Variants in STARD13 observed in about 807,000 individuals in gnomAD.
STARD13 encodes the protein stAR-related lipid transfer protein 13.
A neutral mutation model predicts 106.4 loss-of-function variants in STARD13; 62 were observed. That is an observed-to-expected ratio of 0.58 (90% CI 0.48 to 0.72). The LOEUF (loss-of-function observed/expected upper bound fraction) is 0.72. Among genes scored for constraint, STARD13 ranks in the 30% least tolerant of loss-of-function variants. The pLI, the probability that STARD13 is intolerant of heterozygous loss-of-function variation, is 0.00. For missense variants in STARD13, 1,387 were observed against 1,424.0 expected (o/e 0.97, Z 0.42); for synonymous variants, 565 against 553.0 (o/e 1.02, Z -0.31).
chr13:33,350,049 C>T (rs2078058526), intron 1 of STARD13, among the ~76,000 whole-genome samples: 1 of 152,198 alleles, frequency 6.6e-6, no homozygotes, highest in Non-Finnish European at 1.5e-5. Flanking sequence ...CAGCATGGAG[C>T]ACCAGGCCTG....
intron 1 of STARD13, among the ~76,000 whole-genome samples, chr13:33,263,120 T>A (rs567948533): frequency 1.3e-5 from 2 of 152,290 alleles, no homozygotes; most frequent in South Asian, 4.1e-4. Flanking sequence ...AAACCCCCTG[T>A]AAAGTAGCGT....
the STARD13 span, among the ~76,000 whole-genome samples, chr13:33,538,680 T>TGTTC: frequency 1.3e-3 from 197 of 152,136 alleles, no homozygotes; most frequent in Admixed American, 7.1e-3. Flanking sequence ...ATAAAGAATT[T>TGTTC]CTGGGCATAC....
chr13:33,261,228 A>T (rs2138323944), intron 1 of STARD13, among the ~76,000 whole-genome samples: 1 of 152,196 alleles, frequency 6.6e-6, no homozygotes, highest in East Asian at 1.9e-4. Context: ...GGTTTTCACA[A>T]CTTGTGGGTT....
chr13:33,356,698 T>G, the STARD13 span, among the ~76,000 whole-genome samples: 1 of 152,216 alleles, frequency 6.6e-6, no homozygotes, highest in Non-Finnish European at 1.5e-5. Context: ...GAGCATGCAT[T>G]ACATTTTAAT....
intron 1 of STARD13, among the ~76,000 whole-genome samples, chr13:33,235,259 A>T (rs762631919): frequency 1.2e-4 from 18 of 152,206 alleles, no homozygotes; most frequent in Non-Finnish European, 1.2e-4. Flanking sequence ...TGCTTTCAAC[A>T]TGAGGTCCTG....
intron 1 of STARD13, among the ~76,000 whole-genome samples, chr13:33,171,140 A>G (rs953170128): frequency 1.3e-5 from 2 of 152,252 alleles, no homozygotes; most frequent in Admixed American, 6.5e-5. Flanking sequence ...GCTAGCCAGC[A>G]TAATATTATG....
At chr13:33,270,765 G>A (rs1891120385) in intron 1 of STARD13, among the ~76,000 whole-genome samples, 2 of 152,110 alleles carry the variant, frequency 1.3e-5, no homozygotes, top group African/African-American at 4.8e-5. Context: ...CCCTGTGGAA[G>A]TTTTATAGCT....
chr13:33,502,899 A>C, the STARD13 span, among the ~76,000 whole-genome samples: 2 of 152,170 alleles, frequency 1.3e-5, no homozygotes, highest in Non-Finnish European at 2.9e-5. Flanking sequence ...GGCCTCATAA[A>C]ATGAGTTAGG....
chr13:33,349,063 C>T, exon 2 of STARD13: 4 of 698,572 alleles, frequency 5.7e-6, no homozygotes, highest in Non-Finnish European at 1.0e-5. Context: ...ACTTGCTTTA[C>T]AGTTCAAGTA....
rs1593837651 is a variant in STARD13, at chr13:33,105,114, G to C, written c.*479C>G. 1 of 156,196 alleles carries C rather than the reference G, an allele frequency of 6.4e-6. No homozygotes were observed. Among genetic ancestry groups the C allele is most frequent in the East Asian group, 1.9e-4 (1 of 5,368 alleles). 9.7% of individuals were successfully genotyped at this position (156,196 alleles called of 1,614,324 possible). A position where few individuals can be genotyped will look rare whatever the true frequency, so the allele number is the denominator to read the frequency against. The stretch of plus-strand genomic sequence containing the variant: ...CAGGACAGTGGAGAGATGGGGCCCA[G>C]AGCCACTTGGAAAGAACTGTGTGAG... On this transcript the variant is annotated 3_prime_UTR_variant, in exon 14 of 14. Coordinates refer to ENST00000336934, the MANE Select transcript of STARD13 (RefSeq NM_178006.4).
chr13:33,635,521 G>A, the STARD13 span, among the ~76,000 whole-genome samples: 3 of 152,062 alleles, frequency 2.0e-5, no homozygotes, highest in Non-Finnish European at 2.9e-5. Flanking sequence ...TTAGCCGGGT[G>A]TGGTGGTGGG....
the STARD13 span, among the ~76,000 whole-genome samples, chr13:33,428,459 G>T: frequency 6.6e-6 from 1 of 151,878 alleles, no homozygotes; most frequent in Non-Finnish European, 1.5e-5. Context: ...AAAGGAACTC[G>T]AAAAACTCAA....
At chr13:33,569,844 G>A in the STARD13 span, among the ~76,000 whole-genome samples, 3 of 147,554 alleles carry the variant, frequency 2.0e-5, 1 homozygote, top group Non-Finnish European at 4.5e-5. Flanking sequence ...GGAGAATTAT[G>A]CTTGTTCGTG....
intron 1 of STARD13, among the ~76,000 whole-genome samples, chr13:33,208,982 C>T (rs1050220080): frequency 5.3e-5 from 8 of 152,190 alleles, no homozygotes; most frequent in African/African-American, 1.9e-4. Flanking sequence ...TTAAAATACA[C>T]ACACAGCTAC....
chr13:33,433,796 C>T, the STARD13 span, among the ~76,000 whole-genome samples: 2 of 150,492 alleles, frequency 1.3e-5, no homozygotes, highest in African/African-American at 5.0e-5. Context: ...GCAGAAATAT[C>T]ATAGAAAATG....
chr13:33,126,349 A>T (rs1423320843), intron 6 of STARD13, 109 bp from the exon 7 acceptor site: 2 of 1,025,108 alleles, frequency 2.0e-6, no homozygotes, highest in Non-Finnish European at 2.9e-6. Context: ...TACCCAACAG[A>T]TGCGGGGTGA....
the STARD13 span, among the ~76,000 whole-genome samples, chr13:33,408,568 G>A: frequency 2.6e-5 from 4 of 151,936 alleles, no homozygotes; most frequent in Admixed American, 1.3e-4. Flanking sequence ...TGGATGCTTG[G>A]GTTACTTCTA....
intron 1 of STARD13, among the ~76,000 whole-genome samples, chr13:33,172,611 G>A (rs1459656697): frequency 6.6e-6 from 1 of 152,152 alleles, no homozygotes; most frequent in African/African-American, 2.4e-5. Flanking sequence ...CGTGCTTCTA[G>A]CATGCTTGGG....
chr13:33,149,679 TAGC>T (rs1204747327), intron 3 of STARD13, among the ~76,000 whole-genome samples: 3 of 152,246 alleles, frequency 2.0e-5, no homozygotes, highest in Non-Finnish European at 4.4e-5. Context: ...GCCTGTGATT[TAGC>T]TTACACAAGG....
Sources: gnomAD v4.1 joint callset for allele counts (sites outside exome capture counted in the v4.1 genomes callset) on GRCh38, gnomAD v4.1.1 for gene constraint, MANE v1.5 for transcripts, NCBI Gene and HGNC (gene_info 2026-07-23, HGNC 2026-07-21) for gene names.